The following FOXP1 variants were observed in gnomAD, a reference collection of about 807,000 sequenced individuals.
FOXP1 encodes forkhead box protein P1.
In FOXP1, 15 loss-of-function variants were observed where a neutral mutation model predicts 98.2. The observed-to-expected ratio is 0.15, with a 90% confidence interval of 0.10 to 0.24. The LOEUF (loss-of-function observed/expected upper bound fraction) is 0.24, where lower values mean the gene tolerates loss of function less well. FOXP1 is among the 10% of genes least tolerant of loss of function. FOXP1 has a pLI of 1.00. For synonymous variants in FOXP1, 371 were observed against 314.5 expected (o/e 1.18, Z -1.90); for missense variants, 633 against 848.5 (o/e 0.75, Z 3.15).
At chr3:71,384,454 C>A (rs1427332861) in intron 3 of FOXP1, among the ~76,000 whole-genome samples, 4 of 152,130 alleles carry the variant, frequency 2.6e-5, no homozygotes, top group Admixed American at 2.6e-4. Context: ...AACAAAGCCT[C>A]CAGAAATGCT....
intron 3 of FOXP1, among the ~76,000 whole-genome samples, chr3:71,461,629 C>G (rs908081202): frequency 6.6e-6 from 1 of 151,844 alleles, no homozygotes; most frequent in East Asian, 1.9e-4. Context: ...GATGAAACCC[C>G]GTCTCTACTA....
At chr3:71,466,585 A>G (rs2088767722) in intron 3 of FOXP1, among the ~76,000 whole-genome samples, 2 of 151,756 alleles carry the variant, frequency 1.3e-5, no homozygotes, top group Non-Finnish European at 2.9e-5. Flanking sequence ...TTTCAGCGGA[A>G]TTTTTTTTTC....
chr3:71,254,724 T>G (rs1148749), intron 5 of FOXP1, among the ~76,000 whole-genome samples: 44,811 of 152,050 alleles, frequency 0.29, 6,756 homozygotes, highest in East Asian at 0.37. Flanking sequence ...ACATGTACAC[T>G]GGATTCCAAC....
chr3:71,583,880 C>T (rs1387615380), upstream of FOXP1: 1 of 985,434 alleles, frequency 1.0e-6, no homozygotes, highest in Non-Finnish European at 1.2e-6. Flanking sequence ...CCTCTACCTC[C>T]CGCAGGGGTC....
intron 5 of FOXP1, among the ~76,000 whole-genome samples, chr3:71,200,542 C>T (rs966317816): frequency 6.6e-6 from 1 of 152,158 alleles, no homozygotes; most frequent in Non-Finnish European, 1.5e-5. Flanking sequence ...GGCTCACACT[C>T]CAAGTTCACA....
intron 5 of FOXP1, among the ~76,000 whole-genome samples, chr3:71,262,049 C>T (rs13077500): frequency 0.29 from 43,655 of 151,486 alleles, 6,692 homozygotes; most frequent in Middle Eastern, 0.47. Flanking sequence ...GGCGGGATCA[C>T]GAGGTCAGGA....
intron 6 of FOXP1, among the ~76,000 whole-genome samples, chr3:71,113,768 G>A (rs368868166): frequency 2.1e-3 from 64 of 29,988 alleles, no homozygotes; most frequent in East Asian, 9.0e-3. Flanking sequence ...AAAAGGTCAA[G>A]TAAAAAAAGA....
chr3:71,422,885 C>T (rs144140368), intron 3 of FOXP1, among the ~76,000 whole-genome samples: 33 of 152,254 alleles, frequency 2.2e-4, no homozygotes, highest in African/African-American at 7.0e-4. Context: ...CACACACACA[C>T]TCACACACCC....
At chr3:71,432,567 T>C (rs887083430) in intron 3 of FOXP1, among the ~76,000 whole-genome samples, 16 of 152,084 alleles carry the variant, frequency 1.1e-4, no homozygotes, top group Admixed American at 6.6e-4. Context: ...CCACCTAACA[T>C]AGGGCAGGGC....
At chr3:71,325,605 A>G (rs906263895) in intron 4 of FOXP1, among the ~76,000 whole-genome samples, 9 of 152,148 alleles carry the variant, frequency 5.9e-5, no homozygotes, top group Non-Finnish European at 8.8e-5. Flanking sequence ...TGGCCCTTGA[A>G]GCAGCCTTCA....
chr3:71,251,476 G>A (rs774742568), intron 5 of FOXP1, among the ~76,000 whole-genome samples: 6 of 152,132 alleles, frequency 3.9e-5, no homozygotes, highest in African/African-American at 7.2e-5. Context: ...GCCATACAAC[G>A]TTATAAATAC....
intron 5 of FOXP1, among the ~76,000 whole-genome samples, chr3:71,296,925 C>G (rs1361360192): frequency 6.6e-6 from 1 of 152,182 alleles, no homozygotes; most frequent in Non-Finnish European, 1.5e-5. Flanking sequence ...TCCAAACCCC[C>G]TTTTGCCATG....
chr3:71,213,954 G>A (rs2064709819), intron 5 of FOXP1, among the ~76,000 whole-genome samples: 1 of 152,218 alleles, frequency 6.6e-6, no homozygotes, highest in Non-Finnish European at 1.5e-5. Context: ...GATGATGAAT[G>A]GATCTAGAGT....
chr3:71,061,956 C>A (rs151193450), intron 7 of FOXP1, among the ~76,000 whole-genome samples: 16 of 152,266 alleles, frequency 1.1e-4, no homozygotes. Context: ...CAAACCTGAA[C>A]TTTCATTGTT....
intron 2 of FOXP1, among the ~76,000 whole-genome samples, chr3:71,522,586 C>A (rs2043075525): frequency 1.3e-5 from 2 of 152,264 alleles, no homozygotes; most frequent in South Asian, 4.1e-4. Flanking sequence ...TTGTGAGGGA[C>A]AAATAAAATT....
chr3:71,583,465 CTT>C (rs1195207970), intron 1 of FOXP1, 104 bp downstream of exon 1: 794 of 720,248 alleles, frequency 1.1e-3, no homozygotes, highest in South Asian at 1.5e-3. Context: ...TTCTTTCTTT[CTT>C]TTTTTTTTTT....
chr3:71,222,147 G>A (rs887289455), intron 5 of FOXP1, among the ~76,000 whole-genome samples: 2 of 151,910 alleles, frequency 1.3e-5, no homozygotes, highest in African/African-American at 2.4e-5. Context: ...GCGAGATTCC[G>A]TATCAAAAAA....
chr3:71,032,229 C>T (rs1394052525), intron 11 of FOXP1, among the ~76,000 whole-genome samples: 5 of 152,196 alleles, frequency 3.3e-5, no homozygotes, highest in Non-Finnish European at 7.3e-5. Flanking sequence ...GACATGTGCC[C>T]GGGGGGATTG....
intron 3 of FOXP1, among the ~76,000 whole-genome samples, chr3:71,444,459 C>G (rs529557824): frequency 6.6e-6 from 1 of 151,818 alleles, no homozygotes; most frequent in East Asian, 1.9e-4. Flanking sequence ...AGCATCACCA[C>G]GACTCACTGT....
Sources: allele counts gnomAD v4.1 joint callset (sites outside exome capture counted in the v4.1 genomes callset), GRCh38; gene constraint gnomAD v4.1.1; transcripts MANE v1.5; gene names NCBI Gene and HGNC (gene_info 2026-07-23, HGNC 2026-07-21).